TRIM24: variants seen among roughly 807,000 people sequenced by gnomAD.
TRIM24 encodes tripartite motif containing 24.
A neutral mutation model predicts 123.9 loss-of-function variants in TRIM24; 29 were observed. The observed-to-expected ratio is 0.23, with a 90% confidence interval of 0.17 to 0.32. The LOEUF is 0.32. Among genes scored for constraint, TRIM24 ranks in the 10% least tolerant of loss-of-function variants. The pLI, the probability that TRIM24 is intolerant of heterozygous loss-of-function variation, is 1.00. For synonymous variants in TRIM24, 456 were observed against 461.1 expected (o/e 0.99, Z 0.14); for missense variants, 932 against 1,295.3 (o/e 0.72, Z 4.31).
At chr7:138,490,713 T>C (rs1242267728) in intron 1 of TRIM24, 1 of 462,692 alleles carries the variant, frequency 2.2e-6, no homozygotes, top group Non-Finnish European at 4.2e-6. Context: ...CCTGGGCTTC[T>C]TCAGCATTTT....
chr7:138,550,962 A>C, intron 7 of TRIM24, 101 bp from the exon 8 acceptor site: 2 of 882,022 alleles, frequency 2.3e-6, no homozygotes. Context: ...ATGATTGTTT[A>C]TTGTGTATTG....
chr7:138,492,711 G>A lies in TRIM24; in HGVS notation c.365-11579G>A, dbSNP rs573165167. Among the ~76,000 whole-genome samples the A allele has an allele frequency of 9.9e-5, 15 of 152,268 alleles. No homozygotes were observed. The South Asian group carries it at 1.9e-3, about 19-fold the overall frequency. On this transcript the variant is annotated intron_variant, in intron 1 of 18. Coordinates refer to ENST00000343526, the MANE Select transcript of TRIM24 (RefSeq NM_015905.3). ...AGCAAAAATAAGCCATCCCTTAGAC[G>A]TTGGAAAATTATAGTTGTAAAGTTA...
intron 10 of TRIM24, among the ~76,000 whole-genome samples, chr7:138,568,379 C>CTTTTTTTTTTTTTTTTTTTTTTTTTTTT (rs60386130): frequency 4.4e-5 from 3 of 68,702 alleles, no homozygotes; most frequent in African/African-American, 5.9e-5. Flanking sequence ...ACCTGGCCTC[C>CTTTTTTTTTTTTTTTTTTTTTTTTTTTT]TTTTTTTTTT....
At chr7:138,478,097 CAT>C (rs1199796856) in intron 1 of TRIM24, among the ~76,000 whole-genome samples, 1 of 152,058 alleles carries the variant, frequency 6.6e-6, no homozygotes, top group Admixed American at 6.5e-5. Context: ...AATATATAAA[CAT>C]GTTTTATTTA....
chr7:138,553,271 T>C (rs946407995), intron 8 of TRIM24, among the ~76,000 whole-genome samples: 4 of 149,006 alleles, frequency 2.7e-5, no homozygotes, highest in Non-Finnish European at 6.1e-5. Flanking sequence ...CTGAGAAACA[T>C]ATAAAAGCGC....
At chr7:138,530,770 C>A (rs528936662) in intron 6 of TRIM24, among the ~76,000 whole-genome samples, 6 of 152,082 alleles carry the variant, frequency 3.9e-5, no homozygotes, top group East Asian at 1.9e-4. Flanking sequence ...CCTTGCCCCC[C>A]CTTTGTTTTT....
At chr7:138,568,380 T>G (rs1032137923) in intron 10 of TRIM24, among the ~76,000 whole-genome samples, 2 of 17,430 alleles carry the variant, frequency 1.1e-4, no homozygotes, top group Non-Finnish European at 2.5e-4. Context: ...CCTGGCCTCC[T>G]TTTTTTTTTT....
intron 1 of TRIM24, among the ~76,000 whole-genome samples, chr7:138,479,275 C>T (rs557905506): frequency 1.3e-5 from 2 of 152,154 alleles, no homozygotes; most frequent in South Asian, 4.1e-4. Context: ...GATCAAGAAA[C>T]ACACATAGCC....
At chr7:138,484,413 A>ATT (rs112148131) in intron 1 of TRIM24, among the ~76,000 whole-genome samples, 38 of 146,234 alleles carry the variant, frequency 2.6e-4, no homozygotes, top group South Asian at 1.1e-3. Context: ...CTGGCCTTAG[A>ATT]TTTTTTTTTT....
chr7:138,553,967 G>A (rs1797264234), intron 8 of TRIM24, among the ~76,000 whole-genome samples: 1 of 152,172 alleles, frequency 6.6e-6, no homozygotes, highest in African/African-American at 2.4e-5. Flanking sequence ...CTGGACAGGA[G>A]AACCACCAGC....
intron 1 of TRIM24, among the ~76,000 whole-genome samples, chr7:138,494,067 C>T (rs1298125035): frequency 2.0e-5 from 3 of 151,878 alleles, no homozygotes; most frequent in Non-Finnish European, 4.4e-5. Context: ...CTGGAACCTC[C>T]GCCTCCTGGG....
chr7:138,507,486 G>A (rs1796175648), intron 2 of TRIM24, among the ~76,000 whole-genome samples: 4 of 150,836 alleles, frequency 2.7e-5, no homozygotes, highest in South Asian at 2.1e-4. Context: ...CCACCATCAC[G>A]CCTGGCTAAT....
intron 2 of TRIM24, among the ~76,000 whole-genome samples, chr7:138,512,790 A>G (rs1183837690): frequency 6.6e-6 from 1 of 152,082 alleles, no homozygotes; most frequent in Non-Finnish European, 1.5e-5. Context: ...AATGCCTTCA[A>G]GGCCTTCCCC....
At chr7:138,479,145 T>A (rs1257801890) in intron 1 of TRIM24, among the ~76,000 whole-genome samples, 1 of 152,194 alleles carries the variant, frequency 6.6e-6, no homozygotes, top group East Asian at 1.9e-4. Context: ...TTCTCATTTT[T>A]GTTGAAGAGG....
intron 12 of TRIM24, among the ~76,000 whole-genome samples, chr7:138,575,881 T>G (rs1458858370): frequency 6.6e-6 from 1 of 152,172 alleles, no homozygotes; most frequent in East Asian, 1.9e-4. Context: ...TTAGTTGGTT[T>G]AATTTTGTTT....
chr7:138,492,739 G>A (rs1002658161), intron 1 of TRIM24, among the ~76,000 whole-genome samples: 2 of 152,136 alleles, frequency 1.3e-5, no homozygotes, highest in African/African-American at 4.8e-5. Context: ...TAAAGTTACC[G>A]CAGTAACAAG....
chr7:138,508,082 G>A, intron 2 of TRIM24, among the ~76,000 whole-genome samples: 1 of 152,040 alleles, frequency 6.6e-6, no homozygotes, highest in East Asian at 1.9e-4. Flanking sequence ...AGTACATTTG[G>A]TTGATTTGTC....
chr7:138,481,133 C>G (rs905975900), intron 1 of TRIM24, among the ~76,000 whole-genome samples: 4 of 152,180 alleles, frequency 2.6e-5, no homozygotes, highest in Non-Finnish European at 4.4e-5. Context: ...GTAGGGATTA[C>G]AGGCATGCGC....
chr7:138,514,057 G>A (rs1417275498), intron 2 of TRIM24, among the ~76,000 whole-genome samples: 1 of 152,190 alleles, frequency 6.6e-6, no homozygotes, highest in Non-Finnish European at 1.5e-5. Context: ...TTTCTAGGAA[G>A]CAGAAGTCAC....
Sources: gnomAD v4.1 joint callset for allele counts (sites outside exome capture counted in the v4.1 genomes callset) on GRCh38, gnomAD v4.1.1 for gene constraint, MANE v1.5 for transcripts, NCBI Gene and HGNC (gene_info 2026-07-23, HGNC 2026-07-21) for gene names.